CCND3: variants seen among roughly 807,000 people sequenced by gnomAD.
CCND3 encodes cyclin D3.
A neutral mutation model predicts 28.7 loss-of-function variants in CCND3; 9 were observed. The observed-to-expected ratio is 0.31, with a 90% CI of 0.19 to 0.55. The LOEUF is 0.55. CCND3 is among the 20% of genes least tolerant of loss of function. The pLI, the probability that CCND3 is intolerant of heterozygous loss-of-function variation, is 0.93. For synonymous variants in CCND3, 164 were observed against 163.9 expected (o/e 1.00, Z 0.00); for missense variants, 315 against 385.8 (o/e 0.82, Z 1.54).
intron 1 of CCND3, among the ~76,000 whole-genome samples, chr6:41,951,993 C>A (rs556684511): frequency 1.3e-5 from 2 of 152,150 alleles, no homozygotes; most frequent in Non-Finnish European, 1.5e-5. Flanking sequence ...AACTCCTGAC[C>A]TCAGGTGATC....
chr6:42,004,048 TAA>T (rs1320548623), intron 1 of CCND3, among the ~76,000 whole-genome samples: 5 of 149,646 alleles, frequency 3.3e-5, no homozygotes, highest in Non-Finnish European at 5.9e-5. Context: ...TTAGAGATCT[TAA>T]AAGTTATATA....
chr6:41,976,316 C>T (rs976331955), intron 1 of CCND3, among the ~76,000 whole-genome samples: 1 of 151,838 alleles, frequency 6.6e-6, no homozygotes. Context: ...CTCACCACTG[C>T]ACTCCAGCCT....
Position 41,937,283 on chromosome 6 carries a change from C to G in CCND3, c.526G>C (p.Ala176Pro), listed in dbSNP as rs1472141199. 1 of 1,614,058 alleles carries G rather than the reference C, an allele frequency of 6.2e-7. No individual in the cohort carries two copies. Among genetic ancestry groups the G allele is most frequent in the East Asian group, 2.2e-5 (1 of 44,904 alleles). ...HRLSLPRDRQ[A>P]LVKKHAQTFL... is the part of the protein sequence containing the mutation. ...GTCTGGGCATGCTTTTTGACCAAGG[C>G]CTGTCGGTCACGGGGCAGAGAGAGC... The change falls in exon 3 of 5, where the codon GCC becomes CCC. Residue 176 changes from alanine (A) to proline (P), a missense_variant. Ala to Pro is a conservative substitution (Grantham distance 27). Coordinates refer to ENST00000372991, the MANE Select transcript of CCND3 (RefSeq NM_001760.5).
intron 1 of CCND3, among the ~76,000 whole-genome samples, chr6:42,038,263 G>A (rs1347337069): frequency 1.3e-5 from 2 of 151,948 alleles, no homozygotes; most frequent in South Asian, 4.2e-4. Flanking sequence ...TTAGGGCAGG[G>A]TGCAGTGGCT....
At chr6:41,972,053 G>A in intron 1 of CCND3, among the ~76,000 whole-genome samples, 1 of 149,174 alleles carries the variant, frequency 6.7e-6, no homozygotes. Flanking sequence ...GTGAAACCCC[G>A]TCTCTACTAA....
chr6:41,942,483 A>C (rs1776063756), upstream of CCND3, among the ~76,000 whole-genome samples: 2 of 152,190 alleles, frequency 1.3e-5, no homozygotes. Context: ...TTAAAGTATG[A>C]GAGCTTTAGT....
At chr6:41,951,187 G>A (rs1452072121) in intron 1 of CCND3, among the ~76,000 whole-genome samples, 2 of 152,070 alleles carry the variant, frequency 1.3e-5, no homozygotes, top group African/African-American at 4.8e-5. Flanking sequence ...GACTGGTGGA[G>A]ATTGGTGGTT....
chr6:41,941,650 A>T lies in CCND3; in HGVS notation c.-1T>A, dbSNP rs1040110814. The T allele has an allele frequency of 2.1e-6, 3 of 1,438,470 alleles. No individual in the cohort carries two copies. The highest frequency in any genetic ancestry group is 1.5e-5 in the African/African-American group (1 of 67,434). The allele number at this position is 1,438,470 out of a possible 1,614,324, so 89.1% of individuals were successfully genotyped here. On this transcript the variant is annotated 5_prime_UTR_variant, in exon 1 of 5. Coordinates refer to ENST00000372991, the MANE Select transcript of CCND3 (RefSeq NM_001760.5). This position sits in a 1 kb window ranked among gnomAD's most constrained non-coding sequence, Gnocchi z 6.1. The stretch of plus-strand genomic sequence containing the variant: ...TGCCTTCGCAACACAGCAGCTCCAT[A>T]CTCGGGCAGCGAACAGGCAGGGCGG...
At chr6:41,955,996 A>C (rs1582104806) in intron 1 of CCND3, among the ~76,000 whole-genome samples, 1 of 152,274 alleles carries the variant, frequency 6.6e-6, no homozygotes, top group Non-Finnish European at 1.5e-5. Context: ...TTAAATATGT[A>C]TATATTTAAA....
intron 1 of CCND3, among the ~76,000 whole-genome samples, chr6:41,956,291 CA>C (rs891937876): frequency 6.6e-6 from 1 of 151,118 alleles, no homozygotes; most frequent in Non-Finnish European, 1.5e-5. Flanking sequence ...GACTCCTTCT[CA>C]AAAAAAATAA....
chr6:41,947,446 G>C (rs1318034634), intron 1 of CCND3, among the ~76,000 whole-genome samples: 2 of 152,078 alleles, frequency 1.3e-5, no homozygotes, highest in East Asian at 3.9e-4. Context: ...CAAAAAACCC[G>C]CTCTTCCTAC....
At chr6:41,974,258 C>A (rs1275621105) in intron 1 of CCND3, among the ~76,000 whole-genome samples, 1 of 152,150 alleles carries the variant, frequency 6.6e-6, no homozygotes, top group Non-Finnish European at 1.5e-5. Flanking sequence ...GCACCCATAC[C>A]CCACTTCCAA....
rs966944272 is a variant in CCND3, at chr6:42,026,031, G to A, written c.-46+22470C>T. On this transcript the variant is annotated intron_variant, in intron 1 of 4. Coordinates refer to the CCND3 transcript ENST00000372988. ...CACCTCCAGAGAAGAGCTCTACTAC[G>A]TATGTTCCCCAAACTCCCTGTCAGC... Among the ~76,000 whole-genome samples the A allele has an allele frequency of 6.6e-5, 10 of 152,152 alleles. No individual in the cohort carries two copies. The South Asian group carries it at 1.2e-3, about 19-fold the overall frequency.
Position 41,936,929 on chromosome 6 carries a change from C to A in CCND3, c.575-234G>T. The A allele has an allele frequency of 3.4e-6, 2 of 596,006 alleles. No homozygotes were observed. Among genetic ancestry groups the A allele is most frequent in the Non-Finnish European group, 5.9e-6 (2 of 337,250 alleles). 36.9% of individuals were successfully genotyped at this position (596,006 alleles called of 1,614,324 possible). On this transcript the variant is annotated intron_variant, in intron 3 of 4. Coordinates refer to ENST00000372991, the MANE Select transcript of CCND3 (RefSeq NM_001760.5). The surrounding 1 kb of genome is among the most constrained non-coding windows in gnomAD (Gnocchi z 4.4). Reference sequence around the variant, plus strand: ...CCATAGGTCCCGGGAATAGACAAGACACTCCCTAGTATGGGAACACAACTA... The same window carrying A: ...CCATAGGTCCCGGGAATAGACAAGAAACTCCCTAGTATGGGAACACAACTA...
chr6:42,034,809 G>A (rs1764157418), intron 1 of CCND3, among the ~76,000 whole-genome samples: 1 of 151,944 alleles, frequency 6.6e-6, no homozygotes, highest in Non-Finnish European at 1.5e-5. Context: ...TTTTTTTCTA[G>A]TTTTGAAAAA....
chr6:42,006,354 T>C (rs1485360060), intron 1 of CCND3, among the ~76,000 whole-genome samples: 1 of 151,702 alleles, frequency 6.6e-6, no homozygotes, highest in Non-Finnish European at 1.5e-5. Context: ...ACTTCCTTTA[T>C]CTATTAAAGA....
intron 1 of CCND3, among the ~76,000 whole-genome samples, chr6:41,959,955 C>CAA (rs35369393): frequency 0.083 from 11,594 of 140,088 alleles, 995 homozygotes; most frequent in African/African-American, 0.21. Context: ...GACTCCGTCT[C>CAA]AAAAAAAAAA....
chr6:42,040,093 CACACACACGTGTGTGGT>C (rs1450239216), intron 1 of CCND3, among the ~76,000 whole-genome samples: 1 of 152,220 alleles, frequency 6.6e-6, no homozygotes, highest in Non-Finnish European at 1.5e-5. Context: ...TACACATGTG[CACACACACGTGTGTGGT>C]GCACACAGTG....
In CCND3 at chr6:41,939,308, G is replaced by A. The variant is rs1234440795; in HGVS notation, c.414+1062C>T. 6.6e-6 allele frequency among the ~76,000 whole-genome samples: 1 copy of A among 152,072 alleles called. No homozygotes were observed. Among genetic ancestry groups the A allele is most frequent in the African/African-American group, 2.4e-5 (1 of 41,410 alleles). On this transcript the variant is annotated intron_variant, in intron 2 of 4. Coordinates refer to ENST00000372991, the MANE Select transcript of CCND3 (RefSeq NM_001760.5). This position sits in a 1 kb window ranked among gnomAD's most constrained non-coding sequence, Gnocchi z 4.2. ...TTGCTGCCCTCCTCCCTGGGAGATG[G>A]GGCCCAGAGACTCCTCTCAGGGTCA...
Sources: allele counts gnomAD v4.1 joint callset (sites outside exome capture counted in the v4.1 genomes callset), GRCh38; gene constraint gnomAD v4.1.1; non-coding constraint Gnocchi (gnomAD v3.1); transcripts MANE v1.5; gene names NCBI Gene and HGNC (gene_info 2026-07-23, HGNC 2026-07-21).